SLC4A4: variants seen among roughly 807,000 people sequenced by gnomAD.
SLC4A4 encodes the protein solute carrier family 4 member 4.
Under a neutral mutation model 111.5 loss-of-function variants are expected in SLC4A4, and 27 were observed. The ratio of observed to expected loss-of-function variants is 0.24; its 90% CI spans 0.18 to 0.33. SLC4A4 has a LOEUF of 0.33. Ranked by LOEUF, SLC4A4 falls within the 10% of genes least tolerant of loss-of-function variation. The pLI is 1.00. For synonymous variants in SLC4A4, 443 were observed against 463.4 expected (o/e 0.96, Z 0.57); for missense variants, 909 against 1,315.5 (o/e 0.69, Z 4.78).
At chr4:71,485,572 CAG>C (rs1729298274) in intron 14 of SLC4A4, among the ~76,000 whole-genome samples, 1 of 94,918 alleles carries the variant, frequency 1.1e-5, no homozygotes, top group South Asian at 2.7e-4. Context: ...AATAAGAACA[CAG>C]ATAATAATGC....
intron 6 of SLC4A4, among the ~76,000 whole-genome samples, chr4:71,382,403 C>G (rs1295975687): frequency 6.6e-6 from 1 of 152,146 alleles, no homozygotes; most frequent in East Asian, 1.9e-4. Context: ...CATATGAAGA[C>G]ATACATTATT....
At chr4:71,175,714 A>G (rs555654584) in intron 2 of SLC4A4, among the ~76,000 whole-genome samples, 1 of 152,184 alleles carries the variant, frequency 6.6e-6, no homozygotes, top group Admixed American at 6.5e-5. Flanking sequence ...CTGCAGCTCA[A>G]GGAGGCCTGC....
At chr4:71,387,631 A>T (rs1372138616) in intron 6 of SLC4A4, among the ~76,000 whole-genome samples, 1 of 152,026 alleles carries the variant, frequency 6.6e-6, no homozygotes, top group African/African-American at 2.4e-5. Context: ...AGTAGCTGGG[A>T]TTACAGGCGT....
At chr4:71,311,888 T>TGAGAGAGAGAGA (rs1491510042) in intron 3 of SLC4A4, among the ~76,000 whole-genome samples, 2 of 31,564 alleles carry the variant, frequency 6.3e-5, no homozygotes, top group East Asian at 5.8e-4. Context: ...TGTGCAAGGC[T>TGAGAGAGAGAGA]GTGAGAGAGA....
At chr4:71,447,782 G>A in intron 9 of SLC4A4, 49 bp downstream of exon 9, 1 of 1,178,098 alleles carries the variant, frequency 8.5e-7, no homozygotes, top group Non-Finnish European at 1.3e-6. Context: ...CTTGTTTGTT[G>A]TCATACTGTG....
intron 3 of SLC4A4, among the ~76,000 whole-genome samples, chr4:71,260,386 G>A (rs1303116908): frequency 1.3e-5 from 2 of 151,998 alleles, no homozygotes; most frequent in Non-Finnish European, 2.9e-5. Flanking sequence ...CATAAAATAA[G>A]GTTTCTTTAA....
intron 18 of SLC4A4, among the ~76,000 whole-genome samples, chr4:71,536,470 ATATATATATATATATATG>A (rs1734467918): frequency 1.2e-5 from 1 of 81,796 alleles, no homozygotes; most frequent in Non-Finnish European, 2.4e-5. Context: ...ATATACATAT[ATATATATATATATATATG>A]TATATATTTA....
chr4:71,218,587 C>CACTATAATATTATTAGT (rs1718567540), intron 1 of SLC4A4, among the ~76,000 whole-genome samples: 1 of 152,072 alleles, frequency 6.6e-6, no homozygotes, highest in Non-Finnish European at 1.5e-5. Flanking sequence ...GTACTATTAG[C>CACTATAATATTATTAGT]ACTATAATAT....
At chr4:71,280,514 A>G (rs1723425938) in intron 3 of SLC4A4, among the ~76,000 whole-genome samples, 1 of 152,094 alleles carries the variant, frequency 6.6e-6, no homozygotes, top group African/African-American at 2.4e-5. Context: ...TAGGAGTTTT[A>G]TGGTTTCAGG....
At chr4:71,160,896 G>A (rs972788751) in intron 2 of SLC4A4, among the ~76,000 whole-genome samples, 2 of 152,166 alleles carry the variant, frequency 1.3e-5, no homozygotes, top group Non-Finnish European at 2.9e-5. Flanking sequence ...ATGAGGCTTC[G>A]ATAAGTTCTG....
At chr4:71,218,402 A>G (rs145383780) in intron 1 of SLC4A4, among the ~76,000 whole-genome samples, 96 of 152,330 alleles carry the variant, frequency 6.3e-4, no homozygotes, top group East Asian at 5.8e-4. Flanking sequence ...TTTCTAAACA[A>G]ATACGTGTGC....
At chr4:71,142,842 C>T (rs919035202) in intron 2 of SLC4A4, among the ~76,000 whole-genome samples, 4 of 142,044 alleles carry the variant, frequency 2.8e-5, no homozygotes, top group Admixed American at 7.5e-5. Flanking sequence ...TGCCAACTGA[C>T]AATTCTAGGC....
At chr4:71,489,360 T>C (rs969641506) in intron 15 of SLC4A4, among the ~76,000 whole-genome samples, 3 of 151,800 alleles carry the variant, frequency 2.0e-5, no homozygotes, top group Non-Finnish European at 4.4e-5. Context: ...TATTGAGTTC[T>C]TGTGTCAGAC....
intron 1 of SLC4A4, among the ~76,000 whole-genome samples, chr4:71,218,929 A>C (rs753890679): frequency 6.6e-6 from 1 of 152,190 alleles, no homozygotes; most frequent in Non-Finnish European, 1.5e-5. Flanking sequence ...AGAAGGGACT[A>C]TGCTGTCACT....
intron 5 of SLC4A4, 54 bp from the exon 6 acceptor site, chr4:71,356,954 T>A (rs1730338718): frequency 6.5e-7 from 1 of 1,544,872 alleles, no homozygotes; most frequent in Non-Finnish European, 8.9e-7. Flanking sequence ...AGTAAAAAAA[T>A]AACTTTGTGG....
At chr4:71,517,682 G>T (rs1357375894) in intron 16 of SLC4A4, among the ~76,000 whole-genome samples, 1 of 151,986 alleles carries the variant, frequency 6.6e-6, no homozygotes, top group Non-Finnish European at 1.5e-5. Context: ...ATTGTTCTTG[G>T]TCTTGTAGCT....
chr4:71,471,202 G>A (rs1727835206), intron 13 of SLC4A4, among the ~76,000 whole-genome samples: 1 of 151,996 alleles, frequency 6.6e-6, no homozygotes, highest in Non-Finnish European at 1.5e-5. Flanking sequence ...TTACAGACAT[G>A]CATTTATTCA....
chr4:71,180,453 C>T (rs551344147), intron 2 of SLC4A4, among the ~76,000 whole-genome samples: 96 of 152,182 alleles, frequency 6.3e-4, no homozygotes, highest in Non-Finnish European at 9.4e-4. Flanking sequence ...ACCCACTCAT[C>T]TGACAAAGGG....
chr4:71,565,398 C>T (rs1476490896), intron 24 of SLC4A4, among the ~76,000 whole-genome samples: 2 of 151,736 alleles, frequency 1.3e-5, no homozygotes, highest in Non-Finnish European at 2.9e-5. Context: ...CATACTCCTA[C>T]CTATTGGGGA....
Sources: gnomAD v4.1 joint callset for allele counts (sites outside exome capture counted in the v4.1 genomes callset) on GRCh38, gnomAD v4.1.1 for gene constraint, MANE v1.5 for transcripts, NCBI Gene and HGNC (gene_info 2026-07-23, HGNC 2026-07-21) for gene names.